The following SOX5 variants were observed in gnomAD, a reference collection of about 807,000 sequenced individuals.
SOX5 encodes SRY-box transcription factor 5, also known as transcription factor SOX-5.
Under a neutral mutation model 92.0 loss-of-function variants are expected in SOX5, and 9 were observed. The ratio of observed to expected loss-of-function variants is 0.10; its 90% CI spans 0.06 to 0.17. The LOEUF is 0.17. SOX5 is among the 10% of genes least tolerant of loss of function. The pLI is 1.00. For synonymous variants in SOX5, 344 were observed against 336.3 expected (o/e 1.02, Z -0.25); for missense variants, 642 against 944.5 (o/e 0.68, Z 4.20).
At chr12:23,876,653 C>T (rs367681580) in intron 2 of SOX5, among the ~76,000 whole-genome samples, 72 of 152,266 alleles carry the variant, frequency 4.7e-4, no homozygotes, top group Non-Finnish European at 7.9e-4. Flanking sequence ...GGTATATACC[C>T]AAAGGATTAT....
At chr12:23,747,381 G>T (rs1275443423) in intron 4 of SOX5, among the ~76,000 whole-genome samples, 1 of 152,062 alleles carries the variant, frequency 6.6e-6, no homozygotes, top group Non-Finnish European at 1.5e-5. Flanking sequence ...TGCTTAGAAA[G>T]GTAAATCAAG....
At chr12:23,812,896 C>T (rs984988199) in intron 3 of SOX5, among the ~76,000 whole-genome samples, 2 of 152,012 alleles carry the variant, frequency 1.3e-5, no homozygotes, top group Middle Eastern at 3.4e-3. Flanking sequence ...AAGACAAGTC[C>T]GACAGTAACA....
intron 4 of SOX5, among the ~76,000 whole-genome samples, chr12:24,193,064 C>A (rs532397300): frequency 1.3e-5 from 2 of 152,074 alleles, no homozygotes; most frequent in Non-Finnish European, 2.9e-5. Flanking sequence ...CCAGTATAGT[C>A]TAAGGAAGTT....
At chr12:23,701,766 T>G (rs983697158) in intron 6 of SOX5, among the ~76,000 whole-genome samples, 1 of 152,104 alleles carries the variant, frequency 6.6e-6, no homozygotes, top group African/African-American at 2.4e-5. Flanking sequence ...TGGTAGTTTG[T>G]GCCAGATCCC....
intron 2 of SOX5, among the ~76,000 whole-genome samples, chr12:24,345,607 G>C (rs1953134336): frequency 6.6e-6 from 1 of 152,080 alleles, no homozygotes; most frequent in Non-Finnish European, 1.5e-5. Context: ...GTTTTAATAA[G>C]AATATGAATA....
At chr12:24,335,261 G>C (rs895557922) in intron 2 of SOX5, among the ~76,000 whole-genome samples, 4 of 80,458 alleles carry the variant, frequency 5.0e-5, no homozygotes, top group African/African-American at 1.8e-4. Flanking sequence ...AGCTATTTCA[G>C]AGGGGCCCAA....
chr12:24,228,519 C>T (rs1487931945), intron 3 of SOX5, among the ~76,000 whole-genome samples: 1 of 152,074 alleles, frequency 6.6e-6, no homozygotes, highest in Non-Finnish European at 1.5e-5. Context: ...TTCTTGTTGT[C>T]TATTCCCTCT....
At chr12:24,515,872 G>A (rs1351028242) in intron 1 of SOX5, among the ~76,000 whole-genome samples, 11 of 152,096 alleles carry the variant, frequency 7.2e-5, no homozygotes. Context: ...ACATTTGTCT[G>A]TGACTGGAAG....
chr12:23,982,842 T>A (rs1329737639), intron 4 of SOX5, among the ~76,000 whole-genome samples: 1 of 152,184 alleles, frequency 6.6e-6, no homozygotes, highest in Non-Finnish European at 1.5e-5. Context: ...TACTAAGCCA[T>A]TGAATCCAGT....
At chr12:24,487,601 C>G (rs777274030) in intron 1 of SOX5, among the ~76,000 whole-genome samples, 41 of 152,084 alleles carry the variant, frequency 2.7e-4, no homozygotes, top group Non-Finnish European at 2.9e-4. Flanking sequence ...TAAAAATATG[C>G]AAGTTAAAAT....
chr12:24,221,789 T>C (rs1960506335), intron 3 of SOX5, among the ~76,000 whole-genome samples: 1 of 152,216 alleles, frequency 6.6e-6, no homozygotes, highest in Non-Finnish European at 1.5e-5. Context: ...GAGAGCAGGA[T>C]CTGCAATTTT....
intron 4 of SOX5, among the ~76,000 whole-genome samples, chr12:23,994,444 T>C (rs763665892): frequency 2.0e-5 from 3 of 152,184 alleles, no homozygotes; most frequent in Non-Finnish European, 4.4e-5. Flanking sequence ...TATGTATAGA[T>C]AGGTATATAT....
At chr12:24,330,694 A>T (rs2140980580) in intron 2 of SOX5, among the ~76,000 whole-genome samples, 1 of 152,372 alleles carries the variant, frequency 6.6e-6, no homozygotes, top group East Asian at 1.9e-4. Context: ...AGCTTGGCAC[A>T]TGGTAGACAT....
chr12:23,774,394 C>T (rs1372729697), intron 3 of SOX5, among the ~76,000 whole-genome samples: 3 of 152,132 alleles, frequency 2.0e-5, no homozygotes, highest in African/African-American at 7.2e-5. Flanking sequence ...GAATATTTAT[C>T]TAATAAGTTT....
At chr12:24,344,481 C>T (rs1565948490) in intron 2 of SOX5, among the ~76,000 whole-genome samples, 1 of 152,164 alleles carries the variant, frequency 6.6e-6, no homozygotes, top group African/African-American at 2.4e-5. Context: ...AGCTTCCACA[C>T]TGGCGATGAA....
intron 4 of SOX5, among the ~76,000 whole-genome samples, chr12:24,001,891 G>C (rs1280743896): frequency 6.6e-6 from 1 of 152,172 alleles, no homozygotes; most frequent in African/African-American, 2.4e-5. Context: ...TGGAGCCCAT[G>C]AGTTCAAAGT....
rs555773310 is a variant in SOX5 at position 24,439,401 on chromosome 12, A to C, written c.-250-70762T>G. 2.0e-5 allele frequency among the ~76,000 whole-genome samples: 3 copies of C among 152,318 alleles called. No homozygotes were observed. In the East Asian group the frequency reaches 5.8e-4, roughly 29 times the overall value. Reference sequence around the variant, plus strand: ...CTGAGGTATGCCTGTATAGTTATGCAGCTTCCTGCCCTAGATTTCCTCCAT... The same window carrying C: ...CTGAGGTATGCCTGTATAGTTATGCCGCTTCCTGCCCTAGATTTCCTCCAT... On this transcript the variant is annotated intron_variant, in intron 1 of 4. Coordinates refer to the SOX5 transcript ENST00000446891.
intron 1 of SOX5, among the ~76,000 whole-genome samples, chr12:24,391,978 T>A (rs1959039102): frequency 6.6e-6 from 1 of 152,104 alleles, no homozygotes; most frequent in Admixed American, 6.6e-5. Context: ...TCTTCTTTCC[T>A]CTCCCAATGA....
intron 4 of SOX5, among the ~76,000 whole-genome samples, chr12:24,042,222 C>G (rs960380721): frequency 6.6e-6 from 1 of 151,988 alleles, no homozygotes; most frequent in Non-Finnish European, 1.5e-5. Context: ...ACAAACAATA[C>G]AAGTTTTAGG....
Sources: allele counts gnomAD v4.1 joint callset (sites outside exome capture counted in the v4.1 genomes callset), GRCh38; gene constraint gnomAD v4.1.1; transcripts MANE v1.5; gene names NCBI Gene and HGNC (gene_info 2026-07-23, HGNC 2026-07-21).